The following CTSC variants were observed in gnomAD, a reference collection of about 807,000 sequenced individuals.
The protein encoded by CTSC is dipeptidyl peptidase 1.
A neutral mutation model predicts 40.9 loss-of-function variants in CTSC; 37 were observed. That is an observed-to-expected ratio of 0.91 (90% confidence interval 0.70 to 1.19). The LOEUF (loss-of-function observed/expected upper bound fraction) is 1.19, where lower values mean the gene tolerates loss of function less well. CTSC is among the 50% of genes most tolerant of loss of function. The pLI is 0.00. For missense variants in CTSC, 594 were observed against 567.3 expected, an observed-to-expected ratio of 1.05 and a Z score of -0.48; for synonymous variants, 232 against 207.4, an observed-to-expected ratio of 1.12 and a Z score of -1.02.
At chr11:88,327,897 A>C in intron 2 of CTSC, 1 of 568,250 alleles carries the variant, frequency 1.8e-6, no homozygotes, top group Non-Finnish European at 3.1e-6. Flanking sequence ...GACATGTGAA[A>C]ACAGAACATA....
In CTSC at chr11:88,337,652, C is replaced by A. The variant is rs370256893; in HGVS notation, c.21G>T (p.Leu7Phe). ...GAAGCAGCAGGAGGGCGGCGAGCAG[C>A]AAGGAGGGCCCAGCACCCATGCTGC... MGAGPS[L>F]LLAALLLLLS... Residue 7 changes from leucine (L) to phenylalanine (F), a missense_variant, in exon 1 of 7, where the codon TTG becomes TTT. Transcript: ENST00000227266. The A allele has an allele frequency of 2.2e-5, 35 of 1,580,944 alleles. No individual in the cohort carries two copies. Among genetic ancestry groups the A allele is most frequent in the Non-Finnish European group, 2.4e-5 (28 of 1,163,058 alleles).
chr11:88,305,314 G>T (rs1010747057), intron 4 of CTSC, among the ~76,000 whole-genome samples: 1 of 152,058 alleles, frequency 6.6e-6, no homozygotes, highest in Non-Finnish European at 1.5e-5. Flanking sequence ...TTGAGGACTC[G>T]CCCTAAATTC....
chr11:88,329,661 T>C (rs947535928), intron 2 of CTSC, among the ~76,000 whole-genome samples: 2 of 152,094 alleles, frequency 1.3e-5, no homozygotes, highest in African/African-American at 4.8e-5. Flanking sequence ...CCAGCCATCA[T>C]GTAAAGTCAG....
chr11:88,307,868 G>T (rs577991977), intron 4 of CTSC, among the ~76,000 whole-genome samples: 2 of 152,080 alleles, frequency 1.3e-5, no homozygotes, highest in East Asian at 3.9e-4. Flanking sequence ...CCTTCCTCAC[G>T]GCCTACACAG....
intron 2 of CTSC, among the ~76,000 whole-genome samples, chr11:88,329,704 C>T (rs539279793): frequency 2.0e-5 from 3 of 152,112 alleles, no homozygotes; most frequent in Admixed American, 1.3e-4. Context: ...TATTCTGTTT[C>T]GTGTTGTTAC....
At chr11:88,312,320 A>C in intron 3 of CTSC, 68 bp downstream of exon 3, 1 of 1,506,974 alleles carries the variant, frequency 6.6e-7, no homozygotes, top group South Asian at 1.1e-5. Context: ...AAATTCCAAA[A>C]ATGTACACAC....
intron 5 of CTSC, chr11:88,297,716 T>C (rs1944313691): frequency 6.6e-6 from 1 of 152,190 alleles, no homozygotes; most frequent in East Asian, 1.9e-4. Flanking sequence ...ATAAACTTCA[T>C]CAAGCCCCTG....
In CTSC at chr11:88,296,179, TG is replaced by T; in HGVS notation, c.842del (p.Pro281GlnfsTer3). 1 of 1,614,002 alleles carries T rather than the reference TG, an allele frequency of 6.2e-7. No homozygotes were observed. Among genetic ancestry groups the T allele is most frequent in the Non-Finnish European group, 8.5e-7 (1 of 1,179,950 alleles). ...IRILTNNSQTPILSPQEVVSC... is the reference protein window; with the variant it reads ...IRILTNNSQTXILSPQEVVSC... ...ACACAACCTCCTGAGGGCTTAGGAT[TG>T]GGGTCTGAGAATTGTTGGTTAGTAT... is the stretch of plus-strand genomic sequence containing the variant. On this transcript the variant is annotated frameshift_variant, in exon 6 of 7. Transcript: ENST00000227266. LOFTEE classifies it high-confidence loss of function.
chr11:88,301,065 G>T (rs1944355326), intron 4 of CTSC, among the ~76,000 whole-genome samples: 1 of 152,092 alleles, frequency 6.6e-6, no homozygotes, highest in South Asian at 2.1e-4. Context: ...TTGGTAGTGA[G>T]GTGGCTGTAA....
Position 88,293,951 on chromosome 11 carries a change from A to G in CTSC, c.*55T>C. 1 of 1,582,468 alleles carries G rather than the reference A, an allele frequency of 6.3e-7. No individual in the cohort carries two copies. Among genetic ancestry groups the G allele is most frequent in the Admixed American group, 1.7e-5 (1 of 59,938 alleles). ...CTGAAAGTCTACAGTCTGTGAATAT[A>G]CCAATTCCCCTTTACAACTGATGCA... On this transcript the variant is annotated 3_prime_UTR_variant, in exon 7 of 7. Transcript: ENST00000227266.
chr11:88,316,010 T>TA lies in CTSC; in HGVS notation c.319-3457dup, dbSNP rs200573848. On this transcript the variant is annotated intron_variant, in intron 2 of 6. Transcript: ENST00000227266. ...TCATTGCTTTATCCATTGTATTCTC[T>TA]AAAAAAAAAAAGGTGCAGAGAATTA... Among the ~76,000 whole-genome samples, 1,124 of 143,296 alleles carry TA rather than the reference T, an allele frequency of 7.8e-3. 13 individuals carry two copies. Among genetic ancestry groups the TA allele is most frequent in the African/African-American group, 0.026 (1,022 of 39,352 alleles). 94.0% of individuals were successfully genotyped at this position (143,296 alleles called of 152,430 possible).
chr11:88,317,790 A>G (rs1937912933), intron 2 of CTSC, among the ~76,000 whole-genome samples: 1 of 152,182 alleles, frequency 6.6e-6, no homozygotes, highest in African/African-American at 2.4e-5. Context: ...TGCCTTGCAC[A>G]GATGAGATAA....
chr11:88,333,209 C>T (rs1235023818), intron 2 of CTSC, among the ~76,000 whole-genome samples: 1 of 152,174 alleles, frequency 6.6e-6, no homozygotes, highest in Non-Finnish European at 1.5e-5. Flanking sequence ...TTAGAAGTTT[C>T]CCCACCAGTT....
At chr11:88,316,471 T>C (rs1425149623) in intron 2 of CTSC, among the ~76,000 whole-genome samples, 1 of 59,364 alleles carries the variant, frequency 1.7e-5, no homozygotes, top group Non-Finnish European at 2.8e-5. Context: ...ATCAGATCCA[T>C]TCTCTAAATA....
At chr11:88,309,367 A>G in intron 3 of CTSC, 49 bp from the exon 4 acceptor site, 1 of 1,494,990 alleles carries the variant, frequency 6.7e-7, no homozygotes, top group Non-Finnish European at 9.3e-7. Context: ...ACTGATGTAA[A>G]TAGAGTAATT....
In CTSC at chr11:88,335,090, A is replaced by G. The variant is rs1404927654; in HGVS notation, c.173-8T>C. On this transcript the variant is annotated splice_region_variant and splice_polypyrimidine_tract_variant and intron_variant, in intron 1 of 6. Transcript: ENST00000227266. The stretch of plus-strand genomic sequence containing the variant: ...CTTTTTTTTCTTGTGGTCCTAAAGA[A>G]AAAAAAAAAAAGCACAATAAAGGAA... 3.6e-6 allele frequency: 5 copies of G among 1,388,698 alleles called. No individual in the cohort carries two copies. The highest frequency in any genetic ancestry group is 4.9e-6 in the Non-Finnish European group (5 of 1,026,740). The allele number at this position is 1,388,698 out of a possible 1,614,324, so 86.0% of individuals were successfully genotyped here.
At chr11:88,302,625 CAAAAAAAAAAAAAA>C (rs139973958) in intron 4 of CTSC, among the ~76,000 whole-genome samples, 1 of 80,052 alleles carries the variant, frequency 1.2e-5, no homozygotes, top group African/African-American at 5.3e-5. Flanking sequence ...GACTCCGCCT[CAAAAAAAAAAAAAA>C]AAAAAAAAAA....
chr11:88,316,556 T>C lies in CTSC; in HGVS notation c.319-4002A>G, dbSNP rs1288395237. ...TATCTCATGGGCTGTGTTTTATGTA[T>C]ACTAACTCATTTATTTTTCACGATA... On this transcript the variant is annotated intron_variant, in intron 2 of 6. Transcript: ENST00000227266. Among the ~76,000 whole-genome samples the C allele has an allele frequency of 3.9e-5, 6 of 152,330 alleles. 1 individual carries two copies. In the East Asian group the frequency reaches 7.7e-4, roughly 20 times the overall value.
intron 2 of CTSC, chr11:88,325,268 C>T: frequency 1.0e-6 from 1 of 985,370 alleles, no homozygotes; most frequent in Non-Finnish European, 1.2e-6. Flanking sequence ...AAACTACAAA[C>T]TGAAGGAGAA....
Sources: allele counts gnomAD v4.1 joint callset (sites outside exome capture counted in the v4.1 genomes callset), GRCh38; gene constraint gnomAD v4.1.1; transcripts MANE v1.5; gene names NCBI Gene and HGNC (gene_info 2026-07-23, HGNC 2026-07-21).